The following DNM2 variants were observed in gnomAD, a reference collection of about 807,000 sequenced individuals.
The protein encoded by DNM2 is dynamin 2.
A neutral mutation model predicts 99.0 loss-of-function variants in DNM2; 15 were observed. That is an observed-to-expected ratio of 0.15 (90% CI 0.10 to 0.23). The LOEUF (loss-of-function observed/expected upper bound fraction) is 0.23. Among genes scored for constraint, DNM2 ranks in the 10% least tolerant of loss-of-function variants. DNM2 has a pLI of 1.00. For missense variants in DNM2, 742 were observed against 1,189.4 expected, an observed-to-expected ratio of 0.62 and a Z score of 5.53; for synonymous variants, 525 against 481.2, an observed-to-expected ratio of 1.09 and a Z score of -1.19.
At chr19:10,778,601 A>G (rs1599535618) in intron 5 of DNM2, among the ~76,000 whole-genome samples, 1 of 152,054 alleles carries the variant, frequency 6.6e-6, no homozygotes, top group African/African-American at 2.4e-5. Context: ...GCAGTGAGCT[A>G]TGATCACACT....
intron 5 of DNM2, among the ~76,000 whole-genome samples, chr19:10,780,580 C>T (rs1378641332): frequency 6.6e-6 from 1 of 152,144 alleles, no homozygotes; most frequent in East Asian, 1.9e-4. Context: ...TTCAGAAGCC[C>T]TCCCACTGGA....
At position 10,718,098 on chromosome 19, in the gene DNM2, G is replaced by A. The variant is rs2068813761; in HGVS notation, c.-145G>A. On this transcript the variant is annotated 5_prime_UTR_variant, in exon 1 of 21. Coordinates refer to ENST00000389253, the MANE Select transcript of DNM2 (RefSeq NM_001005361.3). Reference sequence around the variant, plus strand: ...TCGCCTGAGAACCGGATGAGGCGGCGACCGTGAGGCCGAGCCGGGAGCGGG... The same window carrying A: ...TCGCCTGAGAACCGGATGAGGCGGCAACCGTGAGGCCGAGCCGGGAGCGGG... The A allele has an allele frequency of 7.1e-6, 7 of 991,098 alleles. No individual in the cohort carries two copies. Among genetic ancestry groups the A allele is most frequent in the Non-Finnish European group, 6.5e-6 (5 of 766,210 alleles). 61.4% of individuals were successfully genotyped at this position (991,098 alleles called of 1,614,324 possible).
chr19:10,718,893 C>T (rs1453524596), intron 1 of DNM2, among the ~76,000 whole-genome samples: 1 of 152,168 alleles, frequency 6.6e-6, no homozygotes, highest in East Asian at 1.9e-4. Context: ...CTGCCACCAC[C>T]ATTTGGTTGT....
intron 1 of DNM2, among the ~76,000 whole-genome samples, chr19:10,759,082 C>T (rs1315443745): frequency 6.6e-6 from 1 of 152,230 alleles, no homozygotes. Flanking sequence ...GCTGGGATCA[C>T]AGGCGTGGGC....
intron 1 of DNM2, among the ~76,000 whole-genome samples, chr19:10,736,352 T>C (rs1249002313): frequency 2.0e-5 from 3 of 152,220 alleles, no homozygotes; most frequent in Non-Finnish European, 4.4e-5. Context: ...GGGCTGGTGA[T>C]GCTCCTGCCT....
chr19:10,818,722 G>C lies in DNM2; in HGVS notation c.1672-1258G>C, dbSNP rs367960219. 6.6e-6 allele frequency among the ~76,000 whole-genome samples: 1 copy of C among 152,234 alleles called. No homozygotes were observed. Among genetic ancestry groups the C allele is most frequent in the Admixed American group, 6.5e-5 (1 of 15,286 alleles). ...AGGTTAGGCTTTGTGCTGGGGCAGC[G>C]CAGTGAGGGGACATGAGAGGAGTTT... On this transcript the variant is annotated intron_variant, in intron 15 of 20. Coordinates refer to ENST00000389253, the MANE Select transcript of DNM2 (RefSeq NM_001005361.3). The surrounding 1 kb of genome is among the most constrained non-coding windows in gnomAD (Gnocchi z 4.3).
intron 12 of DNM2, among the ~76,000 whole-genome samples, chr19:10,803,958 G>C (rs550628104): frequency 1.3e-5 from 2 of 152,320 alleles, no homozygotes; most frequent in South Asian, 4.1e-4. Flanking sequence ...GGAAAGGGGA[G>C]CTGGGAATGT....
chr19:10,737,881 G>T (rs1404351016), intron 1 of DNM2, among the ~76,000 whole-genome samples: 1 of 152,202 alleles, frequency 6.6e-6, no homozygotes, highest in African/African-American at 2.4e-5. Context: ...CTTGCATGGT[G>T]CCTGGCATGC....
intron 1 of DNM2, among the ~76,000 whole-genome samples, chr19:10,741,551 CTTT>C (rs561257287): frequency 9.6e-5 from 13 of 135,042 alleles, no homozygotes; most frequent in Admixed American, 7.4e-5. Context: ...ATATTTCTTT[CTTT>C]TTTTTTTTTT....
chr19:10,776,728 G>A (rs774933334), intron 4 of DNM2, among the ~76,000 whole-genome samples: 1 of 152,184 alleles, frequency 6.6e-6, no homozygotes, highest in East Asian at 1.9e-4. Flanking sequence ...GGAAACAGTC[G>A]TGTCAAACTC....
intron 5 of DNM2, among the ~76,000 whole-genome samples, chr19:10,779,660 AT>A (rs2071290598): frequency 1.3e-5 from 2 of 150,952 alleles, no homozygotes; most frequent in South Asian, 4.2e-4. Context: ...GGCATGTGCG[AT>A]TGCTCCTGGC....
chr19:10,793,883 C>T lies in DNM2; in HGVS notation c.1128+28C>T, dbSNP rs185654406. 1.8e-5 allele frequency: 29 copies of T among 1,613,980 alleles called. 1 individual carries two copies. Among genetic ancestry groups the T allele is most frequent in the Middle Eastern group, 1.7e-4 (1 of 6,036 alleles). ...AGTGCCCCCCGGGGCTGGGCCCTCC[C>T]GTCTCTGGTCAGGCACCCTCCTGCT... On this transcript the variant is annotated intron_variant, in intron 8 of 20. Transcript: ENST00000389253.
rs187314912 is a variant in DNM2 at position 10,721,794 on chromosome 19, G to A, written c.161+3391G>A. On this transcript the variant is annotated intron_variant, in intron 1 of 20. Transcript: ENST00000389253. Reference sequence around the variant, plus strand: ...GAAGTCCAGATCACTGGCTCTGGGGGCCAAGGCCTGCCTGCTGGGTCTTTT... The same window carrying A: ...GAAGTCCAGATCACTGGCTCTGGGGACCAAGGCCTGCCTGCTGGGTCTTTT... 1.8e-3 allele frequency among the ~76,000 whole-genome samples: 277 copies of A among 152,332 alleles called. 1 individual carries two copies. In the South Asian group the frequency reaches 0.021, roughly 11 times the overall value.
chr19:10,718,991 C>G (rs1468551408), intron 1 of DNM2, among the ~76,000 whole-genome samples: 1 of 152,190 alleles, frequency 6.6e-6, no homozygotes, highest in Non-Finnish European at 1.5e-5. Flanking sequence ...ATCCGTGCCC[C>G]TCACAGACTT....
chr19:10,719,152 T>C (rs573458936), intron 1 of DNM2, among the ~76,000 whole-genome samples: 67 of 151,898 alleles, frequency 4.4e-4, no homozygotes, highest in Admixed American at 7.2e-4. Flanking sequence ...TCCGTGTGAA[T>C]TCTTCTGTCT....
intron 2 of DNM2, among the ~76,000 whole-genome samples, chr19:10,767,413 G>A (rs759647281): frequency 6.6e-6 from 1 of 152,208 alleles, no homozygotes; most frequent in Non-Finnish European, 1.5e-5. Flanking sequence ...CCAGGCTCAA[G>A]CAGTCCTCCC....
At chr19:10,814,977 C>T (rs745816072) in intron 15 of DNM2, among the ~76,000 whole-genome samples, 7 of 152,168 alleles carry the variant, frequency 4.6e-5, no homozygotes, top group South Asian at 2.1e-4. Context: ...TTCTCATTGT[C>T]CTGGTTGCTC....
Position 10,795,613 on chromosome 19 carries a change from G to A in DNM2, c.1196+174G>A. ...AGGGTCTCCAAGGGCACATGAGGGT[G>A]GATGTGTCTTAGTCCTGCGTCCATT... On this transcript the variant is annotated intron_variant, in intron 9 of 20. Coordinates refer to ENST00000389253, the MANE Select transcript of DNM2 (RefSeq NM_001005361.3). The surrounding 1 kb of genome is among the most constrained non-coding windows in gnomAD (Gnocchi z 4.2). 1 of 707,424 alleles carries A rather than the reference G, an allele frequency of 1.4e-6. No individual in the cohort carries two copies. Among genetic ancestry groups the A allele is most frequent in the East Asian group, 2.7e-5 (1 of 37,002 alleles). 43.8% of individuals were successfully genotyped at this position (707,424 alleles called of 1,614,324 possible).
intron 1 of DNM2, among the ~76,000 whole-genome samples, chr19:10,757,082 A>C (rs754334376): frequency 6.6e-5 from 10 of 152,132 alleles, no homozygotes; most frequent in Non-Finnish European, 1.5e-4. Context: ...TCCTCATCAT[A>C]ATCCCCAGCA....
Sources: gnomAD v4.1 joint callset for allele counts (sites outside exome capture counted in the v4.1 genomes callset) on GRCh38, gnomAD v4.1.1 for gene constraint, Gnocchi (gnomAD v3.1) non-coding constraint, MANE v1.5 for transcripts, NCBI Gene and HGNC (gene_info 2026-07-23, HGNC 2026-07-21) for gene names.